The following TRAPPC9 variants were observed in gnomAD, a reference collection of about 807,000 sequenced individuals.
TRAPPC9 encodes the protein trafficking protein particle complex subunit 9, also known as IKK2 binding protein.
TRAPPC9 carries 83 observed loss-of-function variants against 124.0 expected under a neutral mutation model. That is an observed-to-expected ratio of 0.67 (90% confidence interval 0.56 to 0.80). The LOEUF (loss-of-function observed/expected upper bound fraction) is 0.80. TRAPPC9 is among the 30% of genes least tolerant of loss of function. The pLI is 0.00. For missense variants in TRAPPC9, 1,302 were observed against 1,508.3 expected, an observed-to-expected ratio of 0.86 and a Z score of 2.27; for synonymous variants, 638 against 617.5, an observed-to-expected ratio of 1.03 and a Z score of -0.49.
intron 17 of TRAPPC9, among the ~76,000 whole-genome samples, chr8:140,160,543 G>C (rs2061728987): frequency 1.3e-5 from 2 of 151,596 alleles, no homozygotes; most frequent in Non-Finnish European, 2.9e-5. Context: ...ACTATCACAA[G>C]GAAAGAAAAC....
chr8:140,094,631 AG>A (rs571435089), intron 17 of TRAPPC9, among the ~76,000 whole-genome samples: 14 of 152,248 alleles, frequency 9.2e-5, no homozygotes, highest in South Asian at 4.2e-4. Flanking sequence ...AGGGAAGGAG[AG>A]GGAAGTCCTC....
chr8:140,373,500 C>G (rs1351539364), intron 7 of TRAPPC9, among the ~76,000 whole-genome samples: 3 of 152,198 alleles, frequency 2.0e-5, no homozygotes, highest in Non-Finnish European at 4.4e-5. Flanking sequence ...ATTCTCCTAA[C>G]CATGCTGGAC....
At chr8:139,783,773 A>G (rs1347187636) in intron 21 of TRAPPC9, among the ~76,000 whole-genome samples, 2 of 152,258 alleles carry the variant, frequency 1.3e-5, no homozygotes, top group Non-Finnish European at 2.9e-5. Flanking sequence ...TGAATCCAAC[A>G]TATATGAAAA....
chr8:140,422,437 G>T (rs1257285858), intron 5 of TRAPPC9, among the ~76,000 whole-genome samples: 2 of 152,028 alleles, frequency 1.3e-5, no homozygotes, highest in Admixed American at 1.3e-4. Context: ...ATATATCAAA[G>T]GACTCATATA....
chr8:140,119,389 T>G (rs1429105576), intron 17 of TRAPPC9, among the ~76,000 whole-genome samples: 1 of 152,144 alleles, frequency 6.6e-6, no homozygotes, highest in East Asian at 1.9e-4. Context: ...CCAACCCCCT[T>G]TCCCGCAAGT....
At chr8:140,319,172 C>CTTTTTTTTTT (rs35283714) in intron 9 of TRAPPC9, among the ~76,000 whole-genome samples, 1 of 118,520 alleles carries the variant, frequency 8.4e-6, no homozygotes, top group Non-Finnish European at 1.7e-5. Context: ...TTATTTTGAA[C>CTTTTTTTTTT]TTTTTTTTTT....
chr8:139,857,986 G>A (rs6985903), intron 21 of TRAPPC9, among the ~76,000 whole-genome samples: 3,018 of 152,316 alleles, frequency 0.02, 93 homozygotes, highest in African/African-American at 0.069. Context: ...TCTGGCAGTA[G>A]AAAGGAAGAG....
chr8:140,380,841 G>A (rs937644027), intron 7 of TRAPPC9, among the ~76,000 whole-genome samples: 7 of 151,746 alleles, frequency 4.6e-5, no homozygotes, highest in South Asian at 4.2e-4. Context: ...CCAAAAACAC[G>A]TGAAGAAAAA....
intron 17 of TRAPPC9, among the ~76,000 whole-genome samples, chr8:140,082,865 G>A (rs1402642771): frequency 6.6e-6 from 1 of 152,074 alleles, no homozygotes; most frequent in Non-Finnish European, 1.5e-5. Context: ...TGCTTTTCTG[G>A]GAAGCAATTT....
intron 21 of TRAPPC9, among the ~76,000 whole-genome samples, chr8:139,882,641 G>T (rs1563889826): frequency 6.6e-6 from 1 of 152,192 alleles, no homozygotes; most frequent in South Asian, 2.1e-4. Flanking sequence ...ATGGGGAAAG[G>T]GAGTCAGCAC....
chr8:139,938,194 A>T (rs77550100), intron 19 of TRAPPC9, among the ~76,000 whole-genome samples: 2,976 of 151,988 alleles, frequency 0.02, 25 homozygotes, highest in Middle Eastern at 0.041. Flanking sequence ...TGGGAACCTG[A>T]CAAAGCTGCC....
At chr8:139,798,436 T>C (rs1823251487) in intron 21 of TRAPPC9, among the ~76,000 whole-genome samples, 2 of 152,212 alleles carry the variant, frequency 1.3e-5, no homozygotes, top group Non-Finnish European at 2.9e-5. Context: ...CTGGAGATAC[T>C]GGGGACATTG....
Position 139,821,587 on chromosome 8 carries a change from A to G in TRAPPC9, c.3055+64292T>C, listed in dbSNP as rs548749938. ...CAGGGTCCAGACCGGGCTTCTCCGAAGGATGGGAATGGAGGTGGCAGAGAA... is the reference window on the plus strand; with the variant it reads ...CAGGGTCCAGACCGGGCTTCTCCGAGGGATGGGAATGGAGGTGGCAGAGAA... On this transcript the variant is annotated intron_variant, in intron 21 of 22. Coordinates refer to ENST00000438773, the MANE Select transcript of TRAPPC9 (RefSeq NM_001160372.4). Among the ~76,000 whole-genome samples the G allele has an allele frequency of 3.3e-5, 5 of 152,370 alleles. No homozygotes were observed. In the South Asian group the frequency reaches 8.3e-4, roughly 25 times the overall value.
At chr8:140,425,898 G>C (rs1335524306) in intron 5 of TRAPPC9, among the ~76,000 whole-genome samples, 2 of 152,190 alleles carry the variant, frequency 1.3e-5, no homozygotes, top group Non-Finnish European at 2.9e-5. Flanking sequence ...CTAGAGAAAG[G>C]AGTGAACGCA....
chr8:139,952,939 C>T (rs747015242), intron 19 of TRAPPC9, among the ~76,000 whole-genome samples: 6 of 152,202 alleles, frequency 3.9e-5, no homozygotes, highest in African/African-American at 1.4e-4. Context: ...TTCCAAGACC[C>T]CACGGCTTGT....
At chr8:139,951,151 G>A (rs1834619798) in intron 19 of TRAPPC9, among the ~76,000 whole-genome samples, 1 of 152,162 alleles carries the variant, frequency 6.6e-6, no homozygotes, top group South Asian at 2.1e-4. Flanking sequence ...ACACCTCACA[G>A]AATTGGTATG....
At chr8:140,292,328 G>A (rs4532576) in intron 11 of TRAPPC9, among the ~76,000 whole-genome samples, 36,062 of 151,990 alleles carry the variant, frequency 0.24, 5,002 homozygotes, top group East Asian at 0.63. Flanking sequence ...TCCAAACAGG[G>A]TAATAAATTG....
At chr8:139,746,804 C>G (rs1460803536) in intron 21 of TRAPPC9, among the ~76,000 whole-genome samples, 1 of 152,338 alleles carries the variant, frequency 6.6e-6, no homozygotes, top group Admixed American at 6.5e-5. Context: ...CGCTGCTGTG[C>G]CCACGGCCAC....
At chr8:140,320,376 G>A (rs906313329) in intron 9 of TRAPPC9, among the ~76,000 whole-genome samples, 1 of 152,168 alleles carries the variant, frequency 6.6e-6, no homozygotes, top group Non-Finnish European at 1.5e-5. Flanking sequence ...CATGACCTAA[G>A]GTTTTTTAGA....
Sources: allele counts gnomAD v4.1 joint callset (sites outside exome capture counted in the v4.1 genomes callset), GRCh38; gene constraint gnomAD v4.1.1; transcripts MANE v1.5; gene names NCBI Gene and HGNC (gene_info 2026-07-23, HGNC 2026-07-21).